Variants in RNASE10 observed in about 807,000 individuals in gnomAD.
RNASE10 encodes the protein ribonuclease A family member 10 (inactive).
In RNASE10, 2 loss-of-function variants were observed where a neutral mutation model predicts 1.1. The observed-to-expected ratio is 1.82, with a 90% confidence interval of 0.74 to 5.73. The LOEUF (loss-of-function observed/expected upper bound fraction) is 5.73. Among genes scored for constraint, RNASE10 ranks in the 30% most tolerant of loss-of-function variants. The probability of loss-of-function intolerance (pLI) is 0.05; values close to 1 mark genes in which losing one functional copy is unlikely to be tolerated. For synonymous variants in RNASE10, 97 were observed against 96.2 expected, an observed-to-expected ratio of 1.01 and a Z score of -0.05; for missense variants, 276 against 263.4, an observed-to-expected ratio of 1.05 and a Z score of -0.33.
chr14:20,510,209 G>A (rs987482778), intron 1 of RNASE10, among the ~76,000 whole-genome samples: 16 of 151,964 alleles, frequency 1.1e-4, no homozygotes, highest in Non-Finnish European at 2.9e-5. Context: ...GCTTCCCTTG[G>A]TCATCTCCCT....
intron 1 of RNASE10, among the ~76,000 whole-genome samples, chr14:20,510,124 GA>G (rs756992868): frequency 0.034 from 3,679 of 109,660 alleles, 114 homozygotes; most frequent in African/African-American, 0.1. Flanking sequence ...GTCTCAAAAG[GA>G]AAAAAAAAAA....
At chr14:20,504,346 G>A (rs1385831514), upstream of RNASE10, among the ~76,000 whole-genome samples, 1 of 152,208 alleles carries the variant, frequency 6.6e-6, no homozygotes, top group African/African-American at 2.4e-5. Flanking sequence ...GCTTATGCAT[G>A]TACGTAAGTC....
At chr14:20,508,953 C>A (rs956769303) in intron 1 of RNASE10, among the ~76,000 whole-genome samples, 3 of 151,962 alleles carry the variant, frequency 2.0e-5, no homozygotes, top group African/African-American at 7.3e-5. Context: ...TTATCAATTG[C>A]CTCAATAATG....
chr14:20,510,532 A>G, exon 2 of RNASE10: 1 of 1,613,914 alleles, frequency 6.2e-7, no homozygotes, highest in Non-Finnish European at 8.5e-7. Context: ...GGGCCTGGGG[A>G]TGGGCCTGGG....
intron 1 of RNASE10, 22 bp from the exon 2 acceptor site, chr14:20,510,445 C>A: frequency 6.3e-7 from 1 of 1,590,620 alleles, no homozygotes; most frequent in South Asian, 1.1e-5. Context: ...TCACGTTCTT[C>A]CATTTCCCGC....
intron 1 of RNASE10, among the ~76,000 whole-genome samples, chr14:20,506,646 G>A (rs1292159900): frequency 1.0e-5 from 1 of 96,878 alleles, no homozygotes; most frequent in African/African-American, 5.0e-5. Flanking sequence ...CTGGCCAGCC[G>A]CCCAGTCCAG....
chr14:20,504,464 G>A (rs560704529), upstream of RNASE10, among the ~76,000 whole-genome samples: 1 of 151,934 alleles, frequency 6.6e-6, no homozygotes, highest in East Asian at 1.9e-4. Context: ...GAGGCGGGCG[G>A]GTCACGAGGT....
chr14:20,510,892 A>G, exon 2 of RNASE10: 1 of 1,614,164 alleles, frequency 6.2e-7, no homozygotes, highest in African/African-American at 1.3e-5. Flanking sequence ...GTATGCATTC[A>G]TCCATGAGGA....
intron 1 of RNASE10, among the ~76,000 whole-genome samples, chr14:20,507,062 A>G (rs1162332731): frequency 6.7e-6 from 1 of 150,188 alleles, no homozygotes; most frequent in Non-Finnish European, 1.5e-5. Flanking sequence ...GGCCGCCCCT[A>G]CTGGGAAGTG....
At chr14:20,511,491 T>A (rs1230852342), downstream of RNASE10, among the ~76,000 whole-genome samples, 3 of 152,214 alleles carry the variant, frequency 2.0e-5, no homozygotes, top group Non-Finnish European at 4.4e-5. Flanking sequence ...CTGCCCACCC[T>A]GAGCCTCTAC....
At chr14:20,505,314 C>G (rs1164969453), upstream of RNASE10, among the ~76,000 whole-genome samples, 46 of 65,424 alleles carry the variant, frequency 7.0e-4, no homozygotes, top group Non-Finnish European at 8.3e-4. Context: ...CTCCCTCTCC[C>G]TCTCCCTCTC....
rs771505199 is a variant in RNASE10 at position 20,510,462 on chromosome 14, T to C, written c.80-5T>C. The C allele has an allele frequency of 6.2e-7, 1 of 1,603,214 alleles. No homozygotes were observed. The highest frequency in any genetic ancestry group is 8.5e-7 in the Non-Finnish European group (1 of 1,175,728). Reference sequence around the variant, plus strand: ...ACGTTCTTCCATTTCCCGCTTCCTCTCCAGGCAAAATGAAGCTGAATCTGG... The same window carrying C: ...ACGTTCTTCCATTTCCCGCTTCCTCCCCAGGCAAAATGAAGCTGAATCTGG... On this transcript the variant is annotated splice_polypyrimidine_tract_variant and splice_region_variant and intron_variant, in intron 1 of 1. Coordinates refer to ENST00000430083, the Ensembl canonical transcript of RNASE10.
downstream of RNASE10, among the ~76,000 whole-genome samples, chr14:20,512,189 G>C (rs572584211): frequency 6.6e-6 from 1 of 152,146 alleles, no homozygotes; most frequent in African/African-American, 2.4e-5. Context: ...ATTTAGCATC[G>C]TTTCCGCTTT....
downstream of RNASE10, among the ~76,000 whole-genome samples, chr14:20,512,637 C>T (rs1882924570): frequency 6.6e-6 from 1 of 152,220 alleles, no homozygotes; most frequent in Non-Finnish European, 1.5e-5. Flanking sequence ...TCCTAGACGT[C>T]CCTGATTCAA....
intron 1 of RNASE10, among the ~76,000 whole-genome samples, chr14:20,506,634 G>T (rs1429741413): frequency 2.2e-4 from 22 of 99,122 alleles, no homozygotes; most frequent in African/African-American, 9.4e-4. Flanking sequence ...TCAGCCCCCC[G>T]CCTGGCCAGC....
downstream of RNASE10, among the ~76,000 whole-genome samples, chr14:20,512,323 C>A (rs1882918431): frequency 6.6e-6 from 1 of 152,190 alleles, no homozygotes; most frequent in African/African-American, 2.4e-5. Context: ...CTGCCCTCAG[C>A]CTATTTCCTC....
downstream of RNASE10, among the ~76,000 whole-genome samples, chr14:20,512,021 G>A (rs149894717): frequency 7.1e-3 from 1,077 of 152,130 alleles, 20 homozygotes; most frequent in Admixed American, 0.037. Flanking sequence ...GAGTTAGAGG[G>A]GGGTGGGTCA....
exon 2 of RNASE10, chr14:20,510,865 C>G (rs1421637418): frequency 1.2e-6 from 2 of 1,614,134 alleles, no homozygotes; most frequent in Non-Finnish European, 1.7e-6. Flanking sequence ...GGAGCCCAGT[C>G]AGAGTTGCAT....
At chr14:20,513,407 T>A (rs1882944305), downstream of RNASE10, among the ~76,000 whole-genome samples, 1 of 152,122 alleles carries the variant, frequency 6.6e-6, no homozygotes. Flanking sequence ...GTAGCTCAAA[T>A]TCTGCCTCAT....
Sources: gnomAD v4.1 joint callset for allele counts (sites outside exome capture counted in the v4.1 genomes callset) on GRCh38, gnomAD v4.1.1 for gene constraint, MANE v1.5 for transcripts, NCBI Gene and HGNC (gene_info 2026-07-23, HGNC 2026-07-21) for gene names.